GPC5: variants seen among roughly 807,000 people sequenced by gnomAD.
GPC5 encodes glypican-5.
GPC5 carries 47 observed loss-of-function variants against 53.9 expected under a neutral mutation model. That is an observed-to-expected ratio of 0.87 (90% CI 0.69 to 1.11). The LOEUF is 1.11. Among genes scored for constraint, GPC5 ranks in the 50% most tolerant of loss-of-function variants. The pLI is 0.00. For missense variants in GPC5, 748 were observed against 713.1 expected (o/e 1.05, Z -0.56); for synonymous variants, 286 against 263.3 (o/e 1.09, Z -0.84).
At chr13:92,211,043 G>T (rs1159246943) in intron 7 of GPC5, among the ~76,000 whole-genome samples, 5 of 152,054 alleles carry the variant, frequency 3.3e-5, no homozygotes, top group African/African-American at 9.7e-5. Context: ...ATTTTATTTT[G>T]AATTGGATTT....
In GPC5 at chr13:91,762,586, CTT is replaced by C. The variant is rs35381702; in HGVS notation, c.1280+6179_1280+6180del. 6.7e-4 allele frequency among the ~76,000 whole-genome samples: 95 copies of C among 142,594 alleles called. 1 individual carries two copies. The East Asian group carries it at 8.1e-3, about 12-fold the overall frequency. The allele number at this position is 142,594 out of a possible 152,430, so 93.5% of individuals were successfully genotyped here. A position where few individuals can be genotyped will look rare whatever the true frequency, so the allele number is the denominator to read the frequency against. On this transcript the variant is annotated intron_variant, in intron 5 of 7. Coordinates refer to ENST00000377067, the MANE Select transcript of GPC5 (RefSeq NM_004466.6). ...TTAAACACCAGTTTGTTTTCTATTT[CTT>C]TTTTTTTTTTTTCCTGGCAAATTCT...
intron 6 of GPC5, among the ~76,000 whole-genome samples, chr13:92,076,108 C>T (rs1168472926): frequency 6.7e-6 from 1 of 149,840 alleles, no homozygotes; most frequent in Non-Finnish European, 1.5e-5. Context: ...CGGAGTCTCG[C>T]TCTGTGGCCC....
At chr13:91,783,187 G>A (rs1227776443) in intron 5 of GPC5, among the ~76,000 whole-genome samples, 1 of 152,044 alleles carries the variant, frequency 6.6e-6, no homozygotes, top group African/African-American at 2.4e-5. Flanking sequence ...CTGGGAGGCA[G>A]AGGTTGCAGT....
intron 7 of GPC5, among the ~76,000 whole-genome samples, chr13:92,401,139 AT>A (rs35898536): frequency 6.7e-6 from 1 of 149,820 alleles, no homozygotes. Context: ...ACTGGCTACT[AT>A]TTTTTTTGTT....
chr13:92,154,985 C>A (rs1445354417), intron 7 of GPC5, among the ~76,000 whole-genome samples: 2 of 152,128 alleles, frequency 1.3e-5, no homozygotes, highest in African/African-American at 2.4e-5. Flanking sequence ...TGTCTATTTT[C>A]TCTCCCCATT....
chr13:92,427,713 C>T (rs1329999462), intron 7 of GPC5, among the ~76,000 whole-genome samples: 1 of 151,996 alleles, frequency 6.6e-6, no homozygotes, highest in African/African-American at 2.4e-5. Context: ...GTGAGATACA[C>T]TTTGAAGTTG....
At chr13:91,659,384 C>T (rs2139606305) in intron 2 of GPC5, among the ~76,000 whole-genome samples, 1 of 152,154 alleles carries the variant, frequency 6.6e-6, no homozygotes, top group East Asian at 1.9e-4. Flanking sequence ...AGCTTGTGGG[C>T]CCTGTATGTT....
intron 5 of GPC5, among the ~76,000 whole-genome samples, chr13:91,788,910 G>T (rs757148776): frequency 2.6e-5 from 4 of 152,118 alleles, no homozygotes; most frequent in Non-Finnish European, 4.4e-5. Flanking sequence ...ATACAGTGCA[G>T]CATATTGAAA....
At chr13:92,400,940 T>A (rs1875528659) in intron 7 of GPC5, among the ~76,000 whole-genome samples, 1 of 152,008 alleles carries the variant, frequency 6.6e-6, no homozygotes, top group Non-Finnish European at 1.5e-5. Context: ...TTTTGCCCCC[T>A]TGGGACAGGG....
rs1883181786 is a variant in GPC5 at position 91,479,349 on chromosome 13, G to T, written c.325+30427G>T. ...CATTAAAGGAGTACATTTTTCAATG[G>T]GAGAAGAGATGCATGTTTGTGGAGC... is the stretch of plus-strand genomic sequence containing the variant. On this transcript the variant is annotated intron_variant, in intron 2 of 7. Coordinates refer to ENST00000377067, the MANE Select transcript of GPC5 (RefSeq NM_004466.6). Among the ~76,000 whole-genome samples the T allele has an allele frequency of 2.6e-5, 4 of 152,020 alleles. 1 individual carries two copies. The South Asian group carries it at 8.3e-4, about 32-fold the overall frequency.
intron 7 of GPC5, among the ~76,000 whole-genome samples, chr13:92,661,223 A>C (rs1180875898): frequency 6.6e-6 from 1 of 152,068 alleles, no homozygotes; most frequent in Non-Finnish European, 1.5e-5. Context: ...TGAGTCCAAG[A>C]GGTAATGTCT....
chr13:92,442,886 C>G (rs1164259833), intron 7 of GPC5, among the ~76,000 whole-genome samples: 1 of 152,142 alleles, frequency 6.6e-6, no homozygotes, highest in African/African-American at 2.4e-5. Context: ...TAGCTCTATA[C>G]CCAGTAGCCA....
chr13:92,530,687 T>G lies in GPC5; in HGVS notation c.1562-335595T>G, dbSNP rs1881532706. Among the ~76,000 whole-genome samples the G allele has an allele frequency of 2.0e-5, 3 of 152,150 alleles. No homozygotes were observed. The South Asian group carries it at 6.2e-4, about 32-fold the overall frequency. ...TCCAATTTAAGTAAAATATTTGGGT[T>G]GAGTTCTTTATTTTTCCTATGTCAA... is the stretch of plus-strand genomic sequence containing the variant. On this transcript the variant is annotated intron_variant, in intron 7 of 7. Coordinates refer to ENST00000377067, the MANE Select transcript of GPC5 (RefSeq NM_004466.6).
At chr13:91,571,869 A>ATG (rs2031842533) in intron 2 of GPC5, among the ~76,000 whole-genome samples, 6 of 75,178 alleles carry the variant, frequency 8.0e-5, no homozygotes, top group East Asian at 3.7e-4. Flanking sequence ...ACGTGTGTGT[A>ATG]TATATACACA....
chr13:91,607,663 C>G (rs2033415157), intron 2 of GPC5, among the ~76,000 whole-genome samples: 1 of 152,162 alleles, frequency 6.6e-6, no homozygotes. Context: ...CATTTCTTGT[C>G]TTATTCCAAG....
intron 7 of GPC5, among the ~76,000 whole-genome samples, chr13:92,693,585 T>A (rs1177830793): frequency 3.3e-5 from 5 of 152,180 alleles, no homozygotes; most frequent in African/African-American, 1.2e-4. Context: ...ATTTAGGGCA[T>A]CTGGTGGAAG....
chr13:92,007,855 G>A (rs2040621488), intron 6 of GPC5, among the ~76,000 whole-genome samples: 1 of 151,912 alleles, frequency 6.6e-6, no homozygotes, highest in Non-Finnish European at 1.5e-5. Context: ...ATAGGCACTG[G>A]CAACGTATCC....
intron 6 of GPC5, among the ~76,000 whole-genome samples, chr13:92,102,842 T>C (rs976707727): frequency 2.6e-5 from 4 of 152,186 alleles, no homozygotes; most frequent in Non-Finnish European, 5.9e-5. Flanking sequence ...GATTGAGGTG[T>C]ACAGGTTTGT....
chr13:92,123,469 T>C lies in GPC5; in HGVS notation c.1402-21361T>C, dbSNP rs115561286. On this transcript the variant is annotated intron_variant, in intron 6 of 7. Coordinates refer to ENST00000377067, the MANE Select transcript of GPC5 (RefSeq NM_004466.6). ...CAGGGAATTGAACTTTCTTCTCATGTTTATTACAAATTTTACAGGGAGCCA... is the reference window on the plus strand; with the variant it reads ...CAGGGAATTGAACTTTCTTCTCATGCTTATTACAAATTTTACAGGGAGCCA... 4.9e-3 allele frequency among the ~76,000 whole-genome samples: 739 copies of C among 152,322 alleles called. 10 individuals are homozygous for C. The highest frequency in any genetic ancestry group is 0.017 in the African/African-American group (691 of 41,580).
Sources: allele counts gnomAD v4.1 joint callset (sites outside exome capture counted in the v4.1 genomes callset), GRCh38; gene constraint gnomAD v4.1.1; transcripts MANE v1.5; gene names NCBI Gene and HGNC (gene_info 2026-07-23, HGNC 2026-07-21).